Variants in PCDHGA2 observed in about 807,000 individuals in gnomAD.
The protein encoded by PCDHGA2 is protocadherin gamma subfamily A, 2.
A neutral mutation model predicts 59.2 loss-of-function variants in PCDHGA2; 40 were observed. That is an observed-to-expected ratio of 0.68 (90% CI 0.52 to 0.88). PCDHGA2 has a LOEUF of 0.88. PCDHGA2 is among the 40% of genes least tolerant of loss of function. PCDHGA2 has a pLI of 0.00. For missense variants in PCDHGA2, 1,226 were observed against 1,204.0 expected (o/e 1.02, Z -0.27); for synonymous variants, 560 against 526.0 (o/e 1.06, Z -0.89).
At chr5:141,403,131 C>A (rs1377543238) in intron 1 of PCDHGA2, 2 of 1,613,916 alleles carry the variant, frequency 1.2e-6, no homozygotes, top group East Asian at 4.5e-5. Context: ...CGGGAGCTGG[C>A]GGAGCGCCGA....
intron 1 of PCDHGA2, chr5:141,346,474 C>A (rs2149740924): frequency 1.9e-6 from 3 of 1,613,596 alleles, no homozygotes; most frequent in East Asian, 4.5e-5. Context: ...TTATTTATTT[C>A]TTTGATTATT....
intron 1 of PCDHGA2, among the ~76,000 whole-genome samples, chr5:141,347,044 TC>T (rs1561493112): frequency 1.1e-4 from 17 of 150,478 alleles, no homozygotes; most frequent in Admixed American, 1.1e-3. Context: ...CCTTCCTCTC[TC>T]TCTTTCCTCC....
At chr5:141,390,922 A>G (rs935110449) in intron 1 of PCDHGA2, 8 of 152,482 alleles carry the variant, frequency 5.2e-5, no homozygotes, top group Non-Finnish European at 1.0e-4. Context: ...AAGGTCTACT[A>G]TGCTCATTAG....
At chr5:141,393,248 C>T (rs1242966092) in intron 1 of PCDHGA2, 2 of 1,613,798 alleles carry the variant, frequency 1.2e-6, no homozygotes, top group Middle Eastern at 1.7e-4. Context: ...TTAACGAAAT[C>T]GCGGTTCCTG....
chr5:141,400,150 C>T (rs1375670164), intron 1 of PCDHGA2: 3 of 1,613,952 alleles, frequency 1.9e-6, no homozygotes, highest in Non-Finnish European at 2.5e-6. Flanking sequence ...CACTGACCGC[C>T]CTGTACCCTC....
At chr5:141,478,454 A>G (rs766350066) in intron 1 of PCDHGA2, 4 of 1,613,596 alleles carry the variant, frequency 2.5e-6, no homozygotes, top group Non-Finnish European at 3.4e-6. Context: ...TGGTGCAGCC[A>G]GTCCACTGGC....
chr5:141,345,256 C>T, intron 1 of PCDHGA2: 1 of 1,613,988 alleles, frequency 6.2e-7, no homozygotes, highest in Non-Finnish European at 8.5e-7. Context: ...GTGACGGCCA[C>T]ATCCCTGGAC....
intron 1 of PCDHGA2, chr5:141,385,316 G>A: frequency 1.2e-6 from 2 of 1,610,350 alleles, no homozygotes; most frequent in Non-Finnish European, 1.7e-6. Flanking sequence ...AACCTGCCAA[G>A]TATTCAGGTG....
chr5:141,393,578 GC>G, intron 1 of PCDHGA2: 1 of 1,613,930 alleles, frequency 6.2e-7, no homozygotes. Context: ...TTGAGAACAT[GC>G]CCCCAGGCAC....
chr5:141,486,734 C>G lies in PCDHGA2; in HGVS notation c.2425-8073C>G, dbSNP rs2099634292. On this transcript the variant is annotated intron_variant, in intron 1 of 3. Transcript: ENST00000394576. This position sits in a 1 kb window ranked among gnomAD's most constrained non-coding sequence, Gnocchi z 5.0. ...CCAGACAGGAGCTGTTCATGCTACT[C>G]GATCCTTTGACTATGAGCAAACCCA... 6.2e-7 allele frequency: 1 copy of G among 1,614,070 alleles called. No individual in the cohort carries two copies. The highest frequency in any genetic ancestry group is 1.7e-5 in the Admixed American group (1 of 60,000).
At chr5:141,385,574 C>T in intron 1 of PCDHGA2, 1 of 1,293,946 alleles carries the variant, frequency 7.7e-7, no homozygotes, top group Non-Finnish European at 9.8e-7. Flanking sequence ...ACCTACTTTC[C>T]AATCTATGTT....
chr5:141,356,357 T>A, intron 1 of PCDHGA2: 2 of 1,557,122 alleles, frequency 1.3e-6, no homozygotes, highest in Non-Finnish European at 1.7e-6. Flanking sequence ...ACATGTTCTA[T>A]TCCAGATAAT....
At chr5:141,404,043 C>T (rs781644500) in intron 1 of PCDHGA2, 1 of 1,613,844 alleles carries the variant, frequency 6.2e-7, no homozygotes, top group East Asian at 2.2e-5. Context: ...CCTCAGGGAA[C>T]AGTAATTCTT....
Position 141,491,329 on chromosome 5 carries a change from G to A in PCDHGA2, c.2425-3478G>A. The A allele has an allele frequency of 6.2e-7, 1 of 1,614,142 alleles. No individual in the cohort carries two copies. Among genetic ancestry groups the A allele is most frequent in the Non-Finnish European group, 8.5e-7 (1 of 1,180,022 alleles). On this transcript the variant is annotated intron_variant, in intron 1 of 3. Coordinates refer to ENST00000394576, the MANE Select transcript of PCDHGA2 (RefSeq NM_018915.4). The surrounding 1 kb of genome is among the most constrained non-coding windows in gnomAD (Gnocchi z 6.9). ...AGACCTTACCCTTTACCTCATTGTG[G>A]CTCTAGCGACCGTCAGTCTCTTATC...
chr5:141,384,957 C>T (rs1561605479), intron 1 of PCDHGA2: 2 of 1,613,966 alleles, frequency 1.2e-6, no homozygotes, highest in African/African-American at 2.7e-5. Flanking sequence ...GTCCTTACAA[C>T]TATGACCTCA....
chr5:141,427,658 C>A, intron 1 of PCDHGA2: 2 of 738,894 alleles, frequency 2.7e-6, no homozygotes, highest in Non-Finnish European at 4.8e-6. Context: ...ACGTGGTCCA[C>A]GTGGCCGAAA....
chr5:141,411,538 C>G (rs1418802121), intron 1 of PCDHGA2: 1 of 152,268 alleles, frequency 6.6e-6, no homozygotes, highest in Non-Finnish European at 1.5e-5. Context: ...GAGCCCTGAT[C>G]TTGCCACTGC....
At chr5:141,445,118 G>A (rs964726987) in intron 1 of PCDHGA2, among the ~76,000 whole-genome samples, 1 of 152,148 alleles carries the variant, frequency 6.6e-6, no homozygotes, top group Non-Finnish European at 1.5e-5. Flanking sequence ...ATTGTAAATA[G>A]TATTTTTAAA....
rs775122106 is a variant in PCDHGA2 at position 141,410,519 on chromosome 5, C to CT, written c.2424+69125dup. On this transcript the variant is annotated intron_variant, in intron 1 of 3. Coordinates refer to ENST00000394576, the MANE Select transcript of PCDHGA2 (RefSeq NM_018915.4). ...TAATTTCCTAAAATGCAGTGTGCCCCTACATTCCAATGAAGACATGGTTTG... is the reference window on the plus strand; with the variant it reads ...TAATTTCCTAAAATGCAGTGTGCCCCTTACATTCCAATGAAGACATGGTTTG... 5.9e-5 allele frequency: 95 copies of CT among 1,613,978 alleles called. 1 individual carries two copies. In the South Asian group the frequency reaches 1.0e-3, roughly 17 times the overall value.
Sources: allele counts gnomAD v4.1 joint callset (sites outside exome capture counted in the v4.1 genomes callset), GRCh38; gene constraint gnomAD v4.1.1; non-coding constraint Gnocchi (gnomAD v3.1); transcripts MANE v1.5; gene names NCBI Gene and HGNC (gene_info 2026-07-23, HGNC 2026-07-21).